SOD2: variants seen among roughly 807,000 people sequenced by gnomAD.
The protein encoded by SOD2 is superoxide dismutase [Mn], mitochondrial.
SOD2 carries 11 observed loss-of-function variants against 27.0 expected under a neutral mutation model. The ratio of observed to expected loss-of-function variants is 0.41; its 90% CI spans 0.26 to 0.67. The LOEUF (loss-of-function observed/expected upper bound fraction) is 0.67. Ranked by LOEUF, SOD2 falls within the 30% of genes least tolerant of loss-of-function variation. SOD2 has a pLI of 0.34. For synonymous variants in SOD2, 105 were observed against 103.0 expected, an observed-to-expected ratio of 1.02 and a Z score of -0.12; for missense variants, 250 against 274.5, an observed-to-expected ratio of 0.91 and a Z score of 0.63.
chr6:159,736,940 A>G (rs1338362605), intron 1 of SOD2, among the ~76,000 whole-genome samples: 3 of 152,234 alleles, frequency 2.0e-5, no homozygotes, highest in Non-Finnish European at 4.4e-5. Context: ...TGAATAATTT[A>G]GATATTACAG....
intron 1 of SOD2, among the ~76,000 whole-genome samples, chr6:159,740,224 C>T (rs1779170068): frequency 1.3e-5 from 2 of 151,808 alleles, no homozygotes; most frequent in East Asian, 1.9e-4. Flanking sequence ...TTAGTCTGTG[C>T]AGTCATTTTT....
Position 159,692,698 on chromosome 6 carries a change from G to A in SOD2, c.189C>T (p.Asn63=), listed in dbSNP as rs377317109. ...CCTCCTGGTACTTCTCCTCGGTGAC[G>A]TTCAGGTTGTTCACGTAGGCCGCGT... ...KHHAAYVNNL[N]VTEEKYQEAL... is the part of the protein sequence containing the mutation. The change falls in exon 2 of 5, where the codon AAC becomes AAT. Residue 63 remains asparagine (N), a synonymous_variant. Coordinates refer to ENST00000538183, the MANE Select transcript of SOD2 (RefSeq NM_000636.4). 7.4e-6 allele frequency: 12 copies of A among 1,614,036 alleles called. No homozygotes were observed. Among genetic ancestry groups the A allele is most frequent in the East Asian group, 2.2e-5 (1 of 44,878 alleles).
upstream of SOD2, among the ~76,000 whole-genome samples, chr6:159,728,115 CCT>C (rs1309149890): frequency 1.3e-5 from 2 of 152,254 alleles, no homozygotes; most frequent in Admixed American, 6.5e-5. Flanking sequence ...ACATTCGTTC[CCT>C]ACATTTCATG....
In SOD2 at chr6:159,681,429, G is replaced by A. The variant is rs753661149; in HGVS notation, c.*1064C>T. On this transcript the variant is annotated 3_prime_UTR_variant, in exon 5 of 5. Coordinates refer to ENST00000538183, the MANE Select transcript of SOD2 (RefSeq NM_000636.4). The stretch of plus-strand genomic sequence containing the variant: ...ACGTCAGATAAGGGGGAACACCAGG[G>A]ACTAAACTCTGACCTCCATTCTTTG... 6.6e-6 allele frequency: 1 copy of A among 152,294 alleles called. No homozygotes were observed. The highest frequency in any genetic ancestry group is 1.5e-5 in the Non-Finnish European group (1 of 68,146). The allele number at this position is 152,294 out of a possible 1,614,324, so 9.4% of individuals were successfully genotyped here.
At chr6:159,708,288 GAAAT>G (rs906754269) in intron 1 of SOD2, among the ~76,000 whole-genome samples, 5 of 152,172 alleles carry the variant, frequency 3.3e-5, no homozygotes, top group Non-Finnish European at 5.9e-5. Context: ...GCAGGAGAAA[GAAAT>G]AAAGGGTATT....
At chr6:159,705,644 G>T (rs1386266190) in intron 1 of SOD2, among the ~76,000 whole-genome samples, 1 of 152,190 alleles carries the variant, frequency 6.6e-6, no homozygotes, top group Non-Finnish European at 1.5e-5. Flanking sequence ...CGTCTGATTG[G>T]TGTACCTGAA....
Position 159,670,659 on chromosome 6 carries a change from G to A in SOD2, c.*11834C>T, listed in dbSNP as rs7757609. 34,189 of 153,460 alleles carry A rather than the reference G, an allele frequency of 0.22. 4,054 individuals carry two copies. Among genetic ancestry groups the A allele is most frequent in the East Asian group, 0.4 (2,088 of 5,220 alleles). 9.5% of individuals were successfully genotyped at this position (153,460 alleles called of 1,614,324 possible). ...ACAGCTCCAGTCTACAGCTCCCAGC[G>A]TGAGCGACGCAGAAGACAGGTGATT... On this transcript the variant is annotated 3_prime_UTR_variant, in exon 5 of 5. Coordinates refer to ENST00000538183, the MANE Select transcript of SOD2 (RefSeq NM_000636.4).
chr6:159,693,715 C>A (rs576493130), upstream of SOD2, among the ~76,000 whole-genome samples: 1 of 152,340 alleles, frequency 6.6e-6, no homozygotes, highest in Non-Finnish European at 1.5e-5. Context: ...TCCCAGGGCC[C>A]CCGTGGCCGT....
chr6:159,708,584 G>A (rs941624843), intron 1 of SOD2, among the ~76,000 whole-genome samples: 20 of 152,164 alleles, frequency 1.3e-4, no homozygotes, highest in Non-Finnish European at 2.4e-4. Flanking sequence ...ACCTCTTCAA[G>A]GAGAACTACA....
chr6:159,714,210 A>G (rs1272467933), intron 1 of SOD2, among the ~76,000 whole-genome samples: 1 of 152,102 alleles, frequency 6.6e-6, no homozygotes, highest in Non-Finnish European at 1.5e-5. Context: ...ACATAAGACT[A>G]ATACAGGCCC....
chr6:159,734,725 GC>G (rs1778799455), intron 1 of SOD2, among the ~76,000 whole-genome samples: 1 of 152,140 alleles, frequency 6.6e-6, no homozygotes, highest in African/African-American at 2.4e-5. Context: ...TATGCCAAAT[GC>G]AATTTAGATG....
At chr6:159,729,774 T>C (rs147622240), upstream of SOD2, among the ~76,000 whole-genome samples, 26 of 152,340 alleles carry the variant, frequency 1.7e-4, no homozygotes, top group African/African-American at 6.3e-4. Context: ...GTCTGCAGAT[T>C]GGTGTCTTAC....
chr6:159,704,289 G>A (rs866569707), intron 1 of SOD2, among the ~76,000 whole-genome samples: 1 of 152,210 alleles, frequency 6.6e-6, no homozygotes. Context: ...GAGGACAGTG[G>A]GTGCAGAGCA....
chr6:159,673,847 C>T lies in SOD2; in HGVS notation c.*8646G>A, dbSNP rs1158416355. ...AAAGATAAACACAATTGATAGACCGCTAGCAAGACTAATAAACAAGAAAAG... is the reference window on the plus strand; with the variant it reads ...AAAGATAAACACAATTGATAGACCGTTAGCAAGACTAATAAACAAGAAAAG... On this transcript the variant is annotated 3_prime_UTR_variant, in exon 5 of 5. Transcript: ENST00000538183. The T allele has an allele frequency of 6.6e-6, 1 of 152,024 alleles. No homozygotes were observed. The highest frequency in any genetic ancestry group is 1.5e-5 in the Non-Finnish European group (1 of 68,006). The allele number at this position is 152,024 out of a possible 1,614,324, so 9.4% of individuals were successfully genotyped here.
At chr6:159,740,599 G>A (rs1181677660) in intron 1 of SOD2, among the ~76,000 whole-genome samples, 2 of 151,726 alleles carry the variant, frequency 1.3e-5, no homozygotes, top group African/African-American at 2.4e-5. Flanking sequence ...ACGTGTCTTA[G>A]GTTGTAAGTG....
chr6:159,753,231 G>C (rs1273788477), intron 1 of SOD2: 2 of 538,952 alleles, frequency 3.7e-6, no homozygotes, highest in Non-Finnish European at 6.6e-6. Flanking sequence ...TAGAAACAAG[G>C]TGTAGCTGTT....
chr6:159,721,730 G>A (rs536830114), intron 1 of SOD2, among the ~76,000 whole-genome samples: 2 of 92,842 alleles, frequency 2.2e-5, no homozygotes, highest in African/African-American at 8.6e-5. Context: ...GTTTCACTAT[G>A]TTGCCAGGTT....
intron 1 of SOD2, chr6:159,755,750 T>TTTTTTTTTTTTTTTTTTTTTTTTTTTTTG (rs1779983575): frequency 9.4e-7 from 1 of 1,066,860 alleles, no homozygotes; most frequent in African/African-American, 1.8e-5. Context: ...TTTTTCTTTG[T>TTTTTTTTTTTTTTTTTTTTTTTTTTTTTG]TTTTTTTTTC....
At chr6:159,739,553 G>A (rs1042255514) in intron 1 of SOD2, among the ~76,000 whole-genome samples, 3 of 152,176 alleles carry the variant, frequency 2.0e-5, no homozygotes, top group African/African-American at 4.8e-5. Context: ...CAAGTACAAC[G>A]TATAATCTTT....
Sources: gnomAD v4.1 joint callset for allele counts (sites outside exome capture counted in the v4.1 genomes callset) on GRCh38, gnomAD v4.1.1 for gene constraint, MANE v1.5 for transcripts, NCBI Gene and HGNC (gene_info 2026-07-23, HGNC 2026-07-21) for gene names.